Variants in SHCBP1L observed in about 807,000 individuals in gnomAD.
The protein encoded by SHCBP1L is testicular spindle-associated protein SHCBP1L.
Under a neutral mutation model 62.5 loss-of-function variants are expected in SHCBP1L, and 67 were observed. The observed-to-expected ratio is 1.07, with a 90% confidence interval of 0.88 to 1.31. SHCBP1L has a LOEUF of 1.31. SHCBP1L is among the 40% of genes most tolerant of loss of function. The pLI is 0.00. For synonymous variants in SHCBP1L, 284 were observed against 289.4 expected (o/e 0.98, Z 0.19); for missense variants, 823 against 809.8 (o/e 1.02, Z -0.20).
chr1:182,953,086 G>T lies in SHCBP1L; in HGVS notation c.48C>A (p.Thr16=). The T allele has an allele frequency of 6.4e-7, 1 of 1,565,748 alleles. No individual in the cohort carries two copies. ...KASVPADSFR[T]ISPDRRGEKS... ...TCTCGCCTCGCCTGTCCGGGCTGAT[G>T]GTGCGGAATGAGTCCGCGGGCACCG... Residue 16 remains threonine (T), a synonymous_variant, in exon 1 of 10, where the codon ACC becomes ACA. Coordinates refer to ENST00000367547, the MANE Select transcript of SHCBP1L (RefSeq NM_030933.4).
intron 6 of SHCBP1L, among the ~76,000 whole-genome samples, chr1:182,915,161 C>CAAAAAAAAAAAAAAAAAAA (rs371432299): frequency 9.4e-5 from 3 of 31,906 alleles, no homozygotes; most frequent in African/African-American, 7.9e-5. Flanking sequence ...GACTCTGTCT[C>CAAAAAAAAAAAAAAAAAAA]AAAAAAAAAA....
chr1:182,952,713 TC>T lies in SHCBP1L; in HGVS notation c.405+15del. The T allele has an allele frequency of 6.3e-7, 1 of 1,590,210 alleles. No individual in the cohort carries two copies. On this transcript the variant is annotated intron_variant, in intron 1 of 9. Coordinates refer to ENST00000367547, the MANE Select transcript of SHCBP1L (RefSeq NM_030933.4). ...CGAGCTTCCGACCGTAGTCTTCCTG[TC>T]CCGGATCCGCTCACCTTACAGTCCT... is the stretch of plus-strand genomic sequence containing the variant.
chr1:182,921,217 C>T (rs970848988), intron 6 of SHCBP1L, among the ~76,000 whole-genome samples: 3 of 152,164 alleles, frequency 2.0e-5, no homozygotes, highest in African/African-American at 4.8e-5. Flanking sequence ...TGGGGGCCTA[C>T]ATTCAGCAAT....
chr1:182,936,130 GTTTTTTTTTTT>G (rs71127329), intron 5 of SHCBP1L, among the ~76,000 whole-genome samples: 1 of 63,996 alleles, frequency 1.6e-5, no homozygotes, highest in South Asian at 6.7e-4. Flanking sequence ...TTTGTTTTTT[GTTTTTTTTTTT>G]TTTTTTTTTT....
chr1:182,901,356 C>T (rs1256301974), intron 9 of SHCBP1L, among the ~76,000 whole-genome samples: 13 of 152,176 alleles, frequency 8.5e-5, no homozygotes, highest in Non-Finnish European at 1.6e-4. Flanking sequence ...ACCTAGAAGG[C>T]TGAGGCAGGA....
intron 9 of SHCBP1L, among the ~76,000 whole-genome samples, chr1:182,901,548 G>A (rs891568324): frequency 1.3e-5 from 2 of 152,144 alleles, no homozygotes; most frequent in East Asian, 1.9e-4. Context: ...AGTGTGGCTC[G>A]AATATAATGT....
chr1:182,935,840 T>C (rs1012316164), intron 5 of SHCBP1L, among the ~76,000 whole-genome samples: 2 of 152,218 alleles, frequency 1.3e-5, no homozygotes, highest in Admixed American at 6.5e-5. Context: ...TTTTATTAAT[T>C]AGCATGAGCA....
At chr1:182,936,810 A>T (rs1651191616) in intron 5 of SHCBP1L, among the ~76,000 whole-genome samples, 1 of 152,128 alleles carries the variant, frequency 6.6e-6, no homozygotes, top group African/African-American at 2.4e-5. Context: ...AGCACTTTGG[A>T]GGTCGAGGTG....
intron 3 of SHCBP1L, among the ~76,000 whole-genome samples, 175 bp downstream of exon 3, chr1:182,940,154 G>GT (rs1196986134): frequency 6.6e-6 from 1 of 152,074 alleles, no homozygotes; most frequent in Non-Finnish European, 1.5e-5. Flanking sequence ...GCAAGGAAAT[G>GT]TTTTTACTAA....
intron 6 of SHCBP1L, among the ~76,000 whole-genome samples, chr1:182,913,221 C>CA (rs1332575013): frequency 1.3e-5 from 2 of 151,950 alleles, no homozygotes; most frequent in African/African-American, 4.8e-5. Flanking sequence ...TAATTAAACC[C>CA]AAAAAAGGAG....
intron 6 of SHCBP1L, among the ~76,000 whole-genome samples, chr1:182,913,507 G>C (rs539459396): frequency 6.6e-6 from 1 of 152,254 alleles, no homozygotes; most frequent in East Asian, 1.9e-4. Flanking sequence ...GAAAACAGAG[G>C]GAAAATATGG....
chr1:182,920,848 A>G (rs1178151031), intron 6 of SHCBP1L, among the ~76,000 whole-genome samples: 1 of 152,192 alleles, frequency 6.6e-6, no homozygotes, highest in Non-Finnish European at 1.5e-5. Flanking sequence ...AAGAATAAAA[A>G]AGAATGAACA....
At position 182,932,437 on chromosome 1, in the gene SHCBP1L, A is replaced by C. The variant is rs554741120; in HGVS notation, c.1077-2685T>G. Among the ~76,000 whole-genome samples the C allele has an allele frequency of 8.3e-4, 126 of 152,056 alleles. 2 individuals carry two copies. Among genetic ancestry groups the C allele is most frequent in the African/African-American group, 2.9e-3 (119 of 41,442 alleles). ...AATAAGTGAGAATTCCTGTTGTTCC[A>C]CACCTTTCTAGGAATTTTTTATGGA... On this transcript the variant is annotated intron_variant, in intron 5 of 9. Transcript: ENST00000367547.
rs147211432 is a variant in SHCBP1L, at chr1:182,905,531, T to C, written c.1301A>G (p.Asn434Ser). ...IIFPGEYQAA[N>S]LALLTDDIII... ...GATGTCATCTGTCAACAAAGCAAGA[T>C]TTGCAGCTTGATATTCTCCTGGAAA... Residue 434 changes from asparagine to serine, a missense_variant, in exon 7 of 10, where the codon AAT becomes AGT. Coordinates refer to ENST00000367547, the MANE Select transcript of SHCBP1L (RefSeq NM_030933.4). 1 of 1,613,634 alleles carries C rather than the reference T, an allele frequency of 6.2e-7. No homozygotes were observed. The highest frequency in any genetic ancestry group is 8.5e-7 in the Non-Finnish European group (1 of 1,179,824).
intron 5 of SHCBP1L, among the ~76,000 whole-genome samples, chr1:182,930,653 ATGTGTGTGTGTGTGTGTGTGTGTG>A (rs1182783771): frequency 0.013 from 330 of 24,662 alleles, 11 homozygotes; most frequent in African/African-American, 0.039. Context: ...CCTGGAGTAT[ATGTGTGTGTGTGTGTGTGTGTGTG>A]TGTGTGTGTG....
At chr1:182,935,531 G>A (rs1651138158) in intron 5 of SHCBP1L, among the ~76,000 whole-genome samples, 1 of 152,052 alleles carries the variant, frequency 6.6e-6, no homozygotes, top group Non-Finnish European at 1.5e-5. Context: ...TCATTTATCG[G>A]TTTCAGGAGT....
chr1:182,907,375 G>A (rs1650047513), intron 6 of SHCBP1L, among the ~76,000 whole-genome samples: 1 of 148,724 alleles, frequency 6.7e-6, no homozygotes, highest in African/African-American at 2.5e-5. Flanking sequence ...AGAGTTTGCA[G>A]TAAGCGGAGA....
intron 1 of SHCBP1L, chr1:182,952,439 A>C (rs1651805760): frequency 6.8e-4 from 209 of 307,918 alleles, no homozygotes; most frequent in East Asian, 1.6e-3. Context: ...TGCAATGATA[A>C]GGCCAATATA....
chr1:182,900,233 A>G lies in SHCBP1L; in HGVS notation c.1712T>C (p.Val571Ala), dbSNP rs1383091060. 1.3e-6 allele frequency: 2 copies of G among 1,546,492 alleles called. No individual in the cohort carries two copies. The highest frequency in any genetic ancestry group is 2.1e-5 in the Admixed American group (1 of 47,794). ...KSTLGGVNMK[V>A]LPAPKLKMTN... ...CATCTTCAATTTGGGTGCTGGAAGA[A>G]CCTATTAAATTATTTGAGGAAATTA... is the stretch of plus-strand genomic sequence containing the variant. The change falls in exon 10 of 10, where the codon GTT (valine) becomes GCT (alanine). Residue 571 changes from valine (V) to alanine (A), a missense_variant and splice_region_variant. Transcript: ENST00000367547.
Sources: gnomAD v4.1 joint callset for allele counts (sites outside exome capture counted in the v4.1 genomes callset) on GRCh38, gnomAD v4.1.1 for gene constraint, MANE v1.5 for transcripts, NCBI Gene and HGNC (gene_info 2026-07-23, HGNC 2026-07-21) for gene names.